EPHB2: variants seen among roughly 807,000 people sequenced by gnomAD.
EPHB2 encodes EPH receptor B2, also known as ephrin type-B receptor 2.
EPHB2 carries 18 observed loss-of-function variants against 96.4 expected under a neutral mutation model. The ratio of observed to expected loss-of-function variants is 0.19; its 90% CI spans 0.13 to 0.28. EPHB2 has a LOEUF of 0.28. Ranked by LOEUF, EPHB2 falls within the 10% of genes least tolerant of loss-of-function variation. The pLI is 1.00. For missense variants in EPHB2, 989 were observed against 1,355.4 expected, an observed-to-expected ratio of 0.73 and a Z score of 4.25; for synonymous variants, 506 against 534.1, an observed-to-expected ratio of 0.95 and a Z score of 0.72.
In EPHB2 at chr1:22,715,174, A is replaced by G. The variant is rs145170572; in HGVS notation, c.61+4131A>G. Among the ~76,000 whole-genome samples, 8 of 152,338 alleles carry G rather than the reference A, an allele frequency of 5.3e-5. No individual in the cohort carries two copies. In the East Asian group the frequency reaches 1.5e-3, roughly 29 times the overall value. Reference sequence around the variant, plus strand: ...TGAATATATGATACTGTGTTATGTGATAAGTATTGGGAGAATGATATGGAG... The same window carrying G: ...TGAATATATGATACTGTGTTATGTGGTAAGTATTGGGAGAATGATATGGAG... On this transcript the variant is annotated intron_variant, in intron 1 of 15. Coordinates refer to ENST00000374630, the MANE Select transcript of EPHB2 (RefSeq NM_017449.5).
chr1:22,901,685 A>G (rs1167821560), intron 9 of EPHB2, among the ~76,000 whole-genome samples: 2 of 152,328 alleles, frequency 1.3e-5, no homozygotes, highest in East Asian at 3.9e-4. Flanking sequence ...CAAGAGACAG[A>G]CTGGGGAAGC....
intron 5 of EPHB2, among the ~76,000 whole-genome samples, chr1:22,865,705 C>T (rs888713097): frequency 3.9e-5 from 6 of 152,204 alleles, no homozygotes. Context: ...TAGGTAGAGG[C>T]AGCATCTTTC....
At chr1:22,864,412 GC>G (rs1460978127) in intron 4 of EPHB2, among the ~76,000 whole-genome samples, 3 of 152,134 alleles carry the variant, frequency 2.0e-5, no homozygotes, top group Non-Finnish European at 2.9e-5. Flanking sequence ...ATTTTAGGCA[GC>G]AGAAGCAGGG....
intron 3 of EPHB2, among the ~76,000 whole-genome samples, chr1:22,796,229 G>A (rs1439426776): frequency 6.6e-6 from 1 of 152,174 alleles, no homozygotes; most frequent in Non-Finnish European, 1.5e-5. Context: ...CGGTGATTAG[G>A]ACGACGGGGA....
intron 5 of EPHB2, 137 bp from the exon 6 acceptor site, chr1:22,882,222 T>G (rs1639069902): frequency 6.8e-7 from 1 of 1,478,466 alleles, no homozygotes; most frequent in African/African-American, 1.4e-5. Flanking sequence ...TCCCCGAGAC[T>G]GGCTCTGTGG....
rs934626166 is a variant in EPHB2, at chr1:22,876,161, G to A, written c.1304-6198G>A. Among the ~76,000 whole-genome samples, 6 of 152,180 alleles carry A rather than the reference G, an allele frequency of 3.9e-5. No individual in the cohort carries two copies. In the East Asian group the frequency reaches 7.7e-4, roughly 20 times the overall value. ...TGGGATCTGCAAGTCTGGGGCTTGG[G>A]ATGGGGTCTCCAGCTGTCCTGTGCC... On this transcript the variant is annotated intron_variant, in intron 5 of 15. Coordinates refer to ENST00000374630, the MANE Select transcript of EPHB2 (RefSeq NM_017449.5).
chr1:22,715,877 G>A (rs1643280584), intron 1 of EPHB2, among the ~76,000 whole-genome samples: 1 of 152,240 alleles, frequency 6.6e-6, no homozygotes, highest in Non-Finnish European at 1.5e-5. Flanking sequence ...CAGACTCCCT[G>A]CACTTCAGTT....
intron 3 of EPHB2, among the ~76,000 whole-genome samples, chr1:22,802,051 TG>T (rs1011148053): frequency 3.4e-4 from 51 of 149,338 alleles, no homozygotes; most frequent in African/African-American, 1.3e-3. Flanking sequence ...TGCTGGGGGG[TG>T]GGGTGCTCGC....
intron 9 of EPHB2, among the ~76,000 whole-genome samples, chr1:22,897,945 G>A (rs1185229420): frequency 6.6e-6 from 1 of 151,848 alleles, no homozygotes; most frequent in Non-Finnish European, 1.5e-5. Flanking sequence ...ACCAAAAAAA[G>A]TTCAAAAATT....
chr1:22,816,868 C>T (rs1451225477), intron 3 of EPHB2, among the ~76,000 whole-genome samples: 1 of 152,204 alleles, frequency 6.6e-6, no homozygotes, highest in African/African-American at 2.4e-5. Context: ...GACCTCAGTC[C>T]AGGTCTCCTG....
chr1:22,824,828 G>A (rs778061847), intron 3 of EPHB2, among the ~76,000 whole-genome samples: 11 of 152,346 alleles, frequency 7.2e-5, no homozygotes, highest in African/African-American at 2.2e-4. Context: ...TGGCAGCCCC[G>A]TGAGCATTCC....
chr1:22,754,267 A>G (rs1384092365), intron 1 of EPHB2, among the ~76,000 whole-genome samples: 1 of 152,222 alleles, frequency 6.6e-6, no homozygotes, highest in Non-Finnish European at 1.5e-5. Flanking sequence ...TGTCAGTCTC[A>G]ATTTCTACCA....
At chr1:22,806,429 A>G (rs1252191870) in intron 3 of EPHB2, among the ~76,000 whole-genome samples, 1 of 152,178 alleles carries the variant, frequency 6.6e-6, no homozygotes, top group Non-Finnish European at 1.5e-5. Context: ...CTAGGCACAT[A>G]GCAAATGCTC....
At position 22,875,415 on chromosome 1, in the gene EPHB2, C is replaced by T. The variant is rs1291083563; in HGVS notation, c.1304-6944C>T. On this transcript the variant is annotated intron_variant, in intron 5 of 15. Transcript: ENST00000374630. The surrounding 1 kb of genome is among the most constrained non-coding windows in gnomAD (Gnocchi z 4.2). ...AGCTAGCTGGTGGCAAGAGGCCCCA[C>T]GTCACTGCAGCAGTTCCCAACTGTG... Among the ~76,000 whole-genome samples, 3 of 152,184 alleles carry T rather than the reference C, an allele frequency of 2.0e-5. No homozygotes were observed. Among genetic ancestry groups the T allele is most frequent in the African/African-American group, 7.2e-5 (3 of 41,456 alleles).
At chr1:22,803,743 G>A (rs180793192) in intron 3 of EPHB2, among the ~76,000 whole-genome samples, 69 of 144,384 alleles carry the variant, frequency 4.8e-4, no homozygotes, top group Admixed American at 1.3e-3. Context: ...GTGTGTGTGT[G>A]TATATATATA....
chr1:22,719,591 C>T (rs771268166), intron 1 of EPHB2: 2 of 152,376 alleles, frequency 1.3e-5, no homozygotes, highest in Admixed American at 1.3e-4. Flanking sequence ...GAGACGTACC[C>T]TTGGTGCTCA....
At chr1:22,778,005 C>CGTTT (rs140306701) in intron 1 of EPHB2, among the ~76,000 whole-genome samples, 23,575 of 151,788 alleles carry the variant, frequency 0.16, 2,374 homozygotes, top group East Asian at 0.55. Context: ...AATAAAGGTC[C>CGTTT]GTTTGTTTGT....
intron 6 of EPHB2, among the ~76,000 whole-genome samples, chr1:22,890,569 C>A (rs1033339553): frequency 6.6e-5 from 10 of 152,162 alleles, no homozygotes; most frequent in African/African-American, 2.4e-4. Flanking sequence ...AGATCCCATT[C>A]CAGTGACCCC....
At chr1:22,773,922 A>T (rs935004903) in intron 1 of EPHB2, among the ~76,000 whole-genome samples, 2 of 152,096 alleles carry the variant, frequency 1.3e-5, no homozygotes, top group Admixed American at 6.5e-5. Context: ...CCAAACTTTG[A>T]TTTCTCCATC....
Sources: gnomAD v4.1 joint callset for allele counts (sites outside exome capture counted in the v4.1 genomes callset) on GRCh38, gnomAD v4.1.1 for gene constraint, Gnocchi (gnomAD v3.1) non-coding constraint, MANE v1.5 for transcripts, NCBI Gene and HGNC (gene_info 2026-07-23, HGNC 2026-07-21) for gene names.